Variants in OLA1 observed in about 807,000 individuals in gnomAD.
The protein encoded by OLA1 is Obg like ATPase 1.
In OLA1, 14 loss-of-function variants were observed where a neutral mutation model predicts 48.4. The ratio of observed to expected loss-of-function variants is 0.29; its 90% CI spans 0.19 to 0.45. OLA1 has a LOEUF of 0.45. Ranked by LOEUF, OLA1 falls within the 20% of genes least tolerant of loss-of-function variation. The pLI is 1.00. For synonymous variants in OLA1, 127 were observed against 150.4 expected (o/e 0.84, Z 1.14); for missense variants, 325 against 467.1 (o/e 0.70, Z 2.80).
At chr2:174,096,317 T>C (rs188551818) in intron 7 of OLA1, among the ~76,000 whole-genome samples, 9 of 152,306 alleles carry the variant, frequency 5.9e-5, no homozygotes, top group Admixed American at 3.3e-4. Flanking sequence ...GGTTTCATTT[T>C]TGGGGTGATG....
intron 4 of OLA1, among the ~76,000 whole-genome samples, chr2:174,199,819 A>T (rs773649178): frequency 6.6e-6 from 1 of 152,232 alleles, no homozygotes; most frequent in African/African-American, 2.4e-5. Context: ...GTAGTATCAA[A>T]GAAGAATATT....
At chr2:174,169,953 C>T (rs1687256775) in intron 4 of OLA1, among the ~76,000 whole-genome samples, 1 of 152,076 alleles carries the variant, frequency 6.6e-6, no homozygotes, top group Non-Finnish European at 1.5e-5. Context: ...TTACATACAA[C>T]TATGGCATAA....
chr2:174,216,878 G>C (rs1306729499), intron 4 of OLA1, among the ~76,000 whole-genome samples: 1 of 151,990 alleles, frequency 6.6e-6, no homozygotes, highest in African/African-American at 2.4e-5. Context: ...CTTTTCTCTA[G>C]CTTACTTTAT....
At chr2:174,110,829 G>T (rs1685631626) in intron 7 of OLA1, among the ~76,000 whole-genome samples, 1 of 152,098 alleles carries the variant, frequency 6.6e-6, no homozygotes, top group Admixed American at 6.5e-5. Flanking sequence ...TGATCCTCCT[G>T]CCTCGGTCTC....
intron 4 of OLA1, among the ~76,000 whole-genome samples, chr2:174,143,798 T>C (rs1686515505): frequency 6.6e-6 from 1 of 152,120 alleles, no homozygotes; most frequent in African/African-American, 2.4e-5. Context: ...TGTGTCTATC[T>C]TGCAACCTTC....
intron 2 of OLA1, among the ~76,000 whole-genome samples, chr2:174,238,948 T>C (rs569855486): frequency 2.8e-4 from 42 of 151,712 alleles, no homozygotes; most frequent in African/African-American, 1.0e-3. Flanking sequence ...GCAATTAGAG[T>C]GACAAAATAA....
chr2:174,157,118 T>A (rs900408397), intron 4 of OLA1, among the ~76,000 whole-genome samples: 1 of 152,136 alleles, frequency 6.6e-6, no homozygotes, highest in African/African-American at 2.4e-5. Context: ...AAATGTGGCA[T>A]GTCATCCACT....
intron 5 of OLA1, among the ~76,000 whole-genome samples, chr2:174,128,424 CAT>C (rs1491191350): frequency 1.3e-5 from 2 of 150,584 alleles, no homozygotes; most frequent in African/African-American, 4.9e-5. Context: ...AAGAAATAAA[CAT>C]TTTTTTTTTA....
intron 4 of OLA1, among the ~76,000 whole-genome samples, chr2:174,187,994 C>G (rs1346329460): frequency 2.0e-5 from 3 of 152,138 alleles, no homozygotes; most frequent in Admixed American, 1.3e-4. Context: ...CCTTCAGAGT[C>G]TGTCAGCAAG....
At chr2:174,200,366 C>T (rs539658867) in intron 4 of OLA1, among the ~76,000 whole-genome samples, 4 of 152,118 alleles carry the variant, frequency 2.6e-5, no homozygotes, top group South Asian at 4.1e-4. Context: ...TATAAAAATA[C>T]GTTTTTCTAG....
chr2:174,190,642 A>T (rs1405491627), intron 4 of OLA1, among the ~76,000 whole-genome samples: 1 of 152,074 alleles, frequency 6.6e-6, no homozygotes, highest in African/African-American at 2.4e-5. Flanking sequence ...CCTGAAAGTT[A>T]CAAGCACAAT....
At chr2:174,128,308 AG>A (rs892689050) in intron 5 of OLA1, among the ~76,000 whole-genome samples, 1 of 151,718 alleles carries the variant, frequency 6.6e-6, no homozygotes, top group African/African-American at 2.4e-5. Flanking sequence ...GCTGAGGTTG[AG>A]GGGGGTATTG....
chr2:174,081,260 T>C lies in OLA1; in HGVS notation c.870-12A>G, dbSNP rs756917337. The C allele has an allele frequency of 7.5e-6, 12 of 1,600,986 alleles. No individual in the cohort carries two copies. Among genetic ancestry groups the C allele is most frequent in the African/African-American group, 1.3e-5 (1 of 74,578 alleles). On this transcript the variant is annotated splice_polypyrimidine_tract_variant and intron_variant, in intron 8 of 10. Transcript: ENST00000284719. ...TCTTTGGCAAAGCACTGAAATCAAA[T>C]GAAACAAATTCACCCAACACATAAG...
At chr2:174,098,823 T>C (rs185669825) in intron 7 of OLA1, among the ~76,000 whole-genome samples, 3 of 152,316 alleles carry the variant, frequency 2.0e-5, no homozygotes, top group Non-Finnish European at 1.5e-5. Flanking sequence ...ATTTATAAAG[T>C]GAAGAATGGC....
chr2:174,093,417 T>C (rs1685171639), intron 7 of OLA1, among the ~76,000 whole-genome samples: 1 of 151,838 alleles, frequency 6.6e-6, no homozygotes, highest in Admixed American at 6.6e-5. Flanking sequence ...TGACCCATGA[T>C]TGCACCGCTG....
At chr2:174,096,420 G>A (rs1685255917) in intron 7 of OLA1, among the ~76,000 whole-genome samples, 1 of 152,174 alleles carries the variant, frequency 6.6e-6, no homozygotes, top group Non-Finnish European at 1.5e-5. Context: ...TTTTGTGTAT[G>A]TGAATTATAT....
rs1224547851 is a variant in OLA1, at chr2:174,095,918, T to TATATAGCAATAAACATAAAAATATAATA, written c.729-13882_729-13855dup. The stretch of plus-strand genomic sequence containing the variant: ...GAATATATAATAACAACAACAATAT[T>TATATAGCAATAAACATAAAAATATAATA]ATATAGCAATAAACATAAAAATATA... On this transcript the variant is annotated intron_variant, in intron 7 of 10. Coordinates refer to ENST00000284719, the MANE Select transcript of OLA1 (RefSeq NM_013341.5). Among the ~76,000 whole-genome samples the TATATAGCAATAAACATAAAAATATAATA allele has an allele frequency of 2.0e-5, 3 of 152,184 alleles. No individual in the cohort carries two copies. In the East Asian group the frequency reaches 5.8e-4, roughly 29 times the overall value.
chr2:174,124,238 C>A (rs1227132777), intron 5 of OLA1: 1 of 151,534 alleles, frequency 6.6e-6, no homozygotes, highest in African/African-American at 2.4e-5. Context: ...TCCCCCACCC[C>A]CCGAACCTGC....
chr2:174,082,585 G>A (rs1282389786), intron 7 of OLA1, among the ~76,000 whole-genome samples: 1 of 152,082 alleles, frequency 6.6e-6, no homozygotes, highest in Non-Finnish European at 1.5e-5. Flanking sequence ...CTAGTTTTGA[G>A]GAAGCTTTTT....
Sources: allele counts gnomAD v4.1 joint callset (sites outside exome capture counted in the v4.1 genomes callset), GRCh38; gene constraint gnomAD v4.1.1; transcripts MANE v1.5; gene names NCBI Gene and HGNC (gene_info 2026-07-23, HGNC 2026-07-21).